The following CSNK2A2IP variants were observed in gnomAD, a reference collection of about 807,000 sequenced individuals.
The protein encoded by CSNK2A2IP is casein kinase II subunit alpha'-interacting protein.
the CSNK2A2IP span, among the ~76,000 whole-genome samples, chr3:88,369,549 C>A: frequency 7.9e-5 from 12 of 151,890 alleles, no homozygotes; most frequent in South Asian, 2.5e-3. Context: ...AGTTTCAGGG[C>A]AGAAGAATTG....
At chr3:88,462,726 C>A in the CSNK2A2IP span, among the ~76,000 whole-genome samples, 1 of 152,002 alleles carries the variant, frequency 6.6e-6, no homozygotes, top group South Asian at 2.1e-4. Flanking sequence ...GTGCTTGGAA[C>A]TGAGACAGAA....
the CSNK2A2IP span, among the ~76,000 whole-genome samples, chr3:88,348,791 TAAG>T: frequency 6.6e-6 from 1 of 152,048 alleles, no homozygotes; most frequent in African/African-American, 2.4e-5. Context: ...CAAAAAATAG[TAAG>T]AAGAATATGG....
chr3:88,437,904 A>G, the CSNK2A2IP span, among the ~76,000 whole-genome samples: 3 of 152,154 alleles, frequency 2.0e-5, no homozygotes, highest in Admixed American at 2.0e-4. Context: ...ATTTTTATTT[A>G]TCCTCATAAC....
At chr3:88,405,736 A>G in the CSNK2A2IP span, among the ~76,000 whole-genome samples, 5 of 152,212 alleles carry the variant, frequency 3.3e-5, no homozygotes, top group East Asian at 9.6e-4. Context: ...AACCCTGACC[A>G]AAACAACCAT....
the CSNK2A2IP span, among the ~76,000 whole-genome samples, chr3:88,439,185 G>A: frequency 2.0e-5 from 3 of 152,038 alleles, no homozygotes; most frequent in South Asian, 6.2e-4. Flanking sequence ...TGACTTTCCA[G>A]CCACTGCCTT....
At chr3:88,388,218 A>G in the CSNK2A2IP span, among the ~76,000 whole-genome samples, 4 of 152,320 alleles carry the variant, frequency 2.6e-5, no homozygotes, top group African/African-American at 9.6e-5. Context: ...TGATTAAATC[A>G]TACACACAAA....
At chr3:88,363,213 T>C in the CSNK2A2IP span, among the ~76,000 whole-genome samples, 2 of 152,202 alleles carry the variant, frequency 1.3e-5, no homozygotes, top group African/African-American at 4.8e-5. Flanking sequence ...TATGTTAAAT[T>C]AGAACATTTA....
At chr3:88,405,359 T>C in the CSNK2A2IP span, among the ~76,000 whole-genome samples, 16 of 152,184 alleles carry the variant, frequency 1.1e-4, no homozygotes, top group African/African-American at 3.6e-4. Context: ...GAGGTTCTTT[T>C]AACCTCCGGT....
chr3:88,384,349 T>C, the CSNK2A2IP span, among the ~76,000 whole-genome samples: 4 of 143,718 alleles, frequency 2.8e-5, no homozygotes, highest in Non-Finnish European at 6.1e-5. Flanking sequence ...CTCTCCTTTC[T>C]TTTTCTGAAA....
chr3:88,466,049 C>T, the CSNK2A2IP span: 3 of 1,231,658 alleles, frequency 2.4e-6, no homozygotes, highest in Non-Finnish European at 2.0e-6. Flanking sequence ...TACCTTTGGA[C>T]ATCTTCATTG....
chr3:88,456,508 A>G, the CSNK2A2IP span, among the ~76,000 whole-genome samples: 1 of 152,080 alleles, frequency 6.6e-6, no homozygotes, highest in South Asian at 2.1e-4. Flanking sequence ...TTTGCTGTTA[A>G]TGTATAAAAA....
the CSNK2A2IP span, among the ~76,000 whole-genome samples, chr3:88,339,176 A>G: frequency 0.44 from 66,551 of 151,836 alleles, 15,837 homozygotes; most frequent in South Asian, 0.62. Flanking sequence ...CTGTATTTTC[A>G]TACCCATTAA....
At chr3:88,465,897 A>T in the CSNK2A2IP span, 1 of 1,231,662 alleles carries the variant, frequency 8.1e-7, no homozygotes, top group Non-Finnish European at 1.0e-6. Flanking sequence ...AAAGAGTCTC[A>T]AGTTCATCAT....
the CSNK2A2IP span, among the ~76,000 whole-genome samples, chr3:88,366,215 G>T: frequency 6.6e-6 from 1 of 152,126 alleles, no homozygotes; most frequent in Non-Finnish European, 1.5e-5. Context: ...CCAGGTCGTG[G>T]ATTTTCATTT....
the CSNK2A2IP span, among the ~76,000 whole-genome samples, chr3:88,353,366 TG>T: frequency 1.3e-5 from 2 of 152,202 alleles, no homozygotes; most frequent in Admixed American, 1.3e-4. Flanking sequence ...TGTTTATAAG[TG>T]GATGGTATTA....
the CSNK2A2IP span, chr3:88,465,321 C>A: frequency 3.3e-6 from 4 of 1,200,042 alleles, no homozygotes; most frequent in African/African-American, 1.6e-5. Context: ...TCCCCACAAG[C>A]CAACTGCTTT....
the CSNK2A2IP span, among the ~76,000 whole-genome samples, chr3:88,425,424 A>G: frequency 6.6e-6 from 1 of 152,108 alleles, no homozygotes; most frequent in African/African-American, 2.4e-5. Flanking sequence ...GTTTTAGTTA[A>G]CATGTTATTA....
chr3:88,349,268 T>G, the CSNK2A2IP span, among the ~76,000 whole-genome samples: 3 of 151,878 alleles, frequency 2.0e-5, no homozygotes, highest in African/African-American at 7.3e-5. Flanking sequence ...TATGTTGTCT[T>G]TTGTCCTTCT....
At chr3:88,393,742 T>A in the CSNK2A2IP span, among the ~76,000 whole-genome samples, 1 of 152,224 alleles carries the variant, frequency 6.6e-6, no homozygotes, top group African/African-American at 2.4e-5. Flanking sequence ...AGAATGTCAC[T>A]GGAGACGTAG....
Sources: gnomAD v4.1 joint callset for allele counts (sites outside exome capture counted in the v4.1 genomes callset) on GRCh38, gnomAD v4.1.1 for gene constraint, MANE v1.5 for transcripts, NCBI Gene and HGNC (gene_info 2026-07-23, HGNC 2026-07-21) for gene names.